Variants in RNF216 observed in about 807,000 individuals in gnomAD.
The protein encoded by RNF216 is E3 ubiquitin-protein ligase RNF216.
In RNF216, 72 loss-of-function variants were observed where a neutral mutation model predicts 110.8. That is an observed-to-expected ratio of 0.65 (90% confidence interval 0.54 to 0.79). RNF216 has a LOEUF of 0.79. Among genes scored for constraint, RNF216 ranks in the 30% least tolerant of loss-of-function variants. The pLI is 0.00. For missense variants in RNF216, 1,342 were observed against 1,141.2 expected (o/e 1.18, Z -2.54); for synonymous variants, 495 against 407.5 (o/e 1.21, Z -2.59).
At chr7:5,730,385 A>G (rs1480156952) in intron 6 of RNF216, among the ~76,000 whole-genome samples, 1 of 152,214 alleles carries the variant, frequency 6.6e-6, no homozygotes, top group Non-Finnish European at 1.5e-5. Flanking sequence ...TCATAATAAA[A>G]TGTTAAGAGT....
intron 13 of RNF216, among the ~76,000 whole-genome samples, chr7:5,663,234 T>C (rs1002868584): frequency 3.3e-5 from 5 of 152,156 alleles, no homozygotes; most frequent in Non-Finnish European, 7.4e-5. Flanking sequence ...GATGACGTCC[T>C]GCTGGTCACT....
intron 14 of RNF216, among the ~76,000 whole-genome samples, chr7:5,644,953 C>G (rs899938261): frequency 1.3e-5 from 2 of 151,672 alleles, no homozygotes; most frequent in Non-Finnish European, 2.9e-5. Flanking sequence ...GCCTCCTGAG[C>G]AGCTGGGACT....
intron 1 of RNF216, among the ~76,000 whole-genome samples, chr7:5,769,020 T>G (rs1377656298): frequency 6.6e-6 from 1 of 152,082 alleles, no homozygotes; most frequent in African/African-American, 2.4e-5. Flanking sequence ...TAGTTAACTA[T>G]TTTGACTAAA....
At chr7:5,674,613 G>T (rs1234257436) in intron 13 of RNF216, among the ~76,000 whole-genome samples, 2 of 151,962 alleles carry the variant, frequency 1.3e-5, no homozygotes, top group East Asian at 3.9e-4. Context: ...GGGCAACAGA[G>T]ACTCTGTTTC....
At chr7:5,660,604 G>A (rs1299066135) in intron 13 of RNF216, among the ~76,000 whole-genome samples, 1 of 151,528 alleles carries the variant, frequency 6.6e-6, no homozygotes, top group Non-Finnish European at 1.5e-5. Flanking sequence ...CTGAGACAGG[G>A]TCTCACTGTG....
chr7:5,678,835 G>C (rs567921961), intron 13 of RNF216, among the ~76,000 whole-genome samples: 465 of 152,312 alleles, frequency 3.1e-3, no homozygotes, highest in African/African-American at 0.01. Flanking sequence ...CATGAGAGCT[G>C]GACTGGATAA....
chr7:5,700,328 C>G (rs1037839641), intron 13 of RNF216, among the ~76,000 whole-genome samples: 1 of 152,144 alleles, frequency 6.6e-6, no homozygotes, highest in South Asian at 2.1e-4. Flanking sequence ...ATGCTGACAC[C>G]TAACAACACA....
chr7:5,634,719 G>A (rs1177649909), intron 15 of RNF216, among the ~76,000 whole-genome samples: 3 of 152,206 alleles, frequency 2.0e-5, no homozygotes, highest in Non-Finnish European at 4.4e-5. Context: ...GCAGAATGTG[G>A]CCATGTTTTG....
intron 5 of RNF216, among the ~76,000 whole-genome samples, chr7:5,733,992 T>A (rs1350636284): frequency 2.0e-5 from 3 of 152,218 alleles, no homozygotes; most frequent in East Asian, 1.9e-4. Context: ...CTTAGTAATT[T>A]AAAAAAATGT....
At position 5,739,596 on chromosome 7, in the gene RNF216, A is replaced by G. The variant is rs544191695; in HGVS notation, c.1045-244T>C. On this transcript the variant is annotated intron_variant, in intron 4 of 16. Transcript: ENST00000389902. ...TCCCCATTTTACAGATCCATTCTTC[A>G]TTGCTTCAACAAATATTGAGCATCT... The G allele has an allele frequency of 1.8e-4, 105 of 586,214 alleles. 1 individual carries two copies. The highest frequency in any genetic ancestry group is 2.8e-4 in the Non-Finnish European group (86 of 310,444). The allele number at this position is 586,214 out of a possible 1,614,324, so 36.3% of individuals were successfully genotyped here. A position where few individuals can be genotyped will look rare whatever the true frequency, so the allele number is the denominator to read the frequency against.
intron 13 of RNF216, among the ~76,000 whole-genome samples, chr7:5,708,145 T>C (rs555721840): frequency 6.6e-6 from 1 of 152,250 alleles, no homozygotes; most frequent in Non-Finnish European, 1.5e-5. Flanking sequence ...TTAAGACCTG[T>C]ATTATGATCT....
At chr7:5,650,647 C>A (rs1028946446) in intron 14 of RNF216, among the ~76,000 whole-genome samples, 1 of 152,186 alleles carries the variant, frequency 6.6e-6, no homozygotes, top group African/African-American at 2.4e-5. Context: ...CTCATGGCCA[C>A]CTTCATCCAT....
intron 2 of RNF216, among the ~76,000 whole-genome samples, chr7:5,756,020 G>T (rs942830475): frequency 1.3e-5 from 2 of 152,208 alleles, no homozygotes; most frequent in Admixed American, 1.3e-4. Context: ...ATCTCATCTT[G>T]AATTGTAATC....
chr7:5,699,781 C>T (rs1046523238), intron 13 of RNF216, among the ~76,000 whole-genome samples: 2 of 152,218 alleles, frequency 1.3e-5, no homozygotes, highest in South Asian at 2.1e-4. Context: ...GATGTACTGG[C>T]CACAGATACA....
At chr7:5,725,652 C>A (rs1793705908) in intron 7 of RNF216, among the ~76,000 whole-genome samples, 1 of 152,094 alleles carries the variant, frequency 6.6e-6, no homozygotes, top group Non-Finnish European at 1.5e-5. Flanking sequence ...GAGTTCGACA[C>A]CAGTCTGGCC....
At chr7:5,710,891 A>C (rs1234214577) in intron 13 of RNF216, among the ~76,000 whole-genome samples, 3 of 152,244 alleles carry the variant, frequency 2.0e-5, no homozygotes, top group African/African-American at 4.8e-5. Flanking sequence ...GATGCCAGCG[A>C]CTGTTGTGAC....
Position 5,761,061 on chromosome 7 carries a change from C to G in RNF216, c.9G>C (p.Glu3Asp). Reference sequence around the variant, plus strand: ...GAATTACCTCTTCATTGTTGTTTCCCTCTTCCATTTTCAAATGCAGACATG... The same window carrying G: ...GAATTACCTCTTCATTGTTGTTTCCGTCTTCCATTTTCAAATGCAGACATG... Reference protein sequence around the residue: MEEGNNNEEVIHL... With the variant: MEDGNNNEEVIHL... Residue 3 changes from glutamate to aspartate, a missense_variant, in exon 2 of 17, where the codon GAG (glutamate) becomes GAC (aspartate). Physicochemically the swap from Glu to Asp is conservative, Grantham distance 45. Coordinates refer to ENST00000389902, the MANE Select transcript of RNF216 (RefSeq NM_207111.4). The G allele has an allele frequency of 1.2e-5, 19 of 1,579,792 alleles. No individual in the cohort carries two copies. The highest frequency in any genetic ancestry group is 1.6e-5 in the Non-Finnish European group (19 of 1,168,526).
chr7:5,744,310 G>C (rs893514902), intron 3 of RNF216, among the ~76,000 whole-genome samples: 1 of 152,176 alleles, frequency 6.6e-6, no homozygotes, highest in African/African-American at 2.4e-5. Flanking sequence ...TGCATTGAAA[G>C]CCAGGTCAGA....
At chr7:5,692,801 A>G (rs969686566) in intron 13 of RNF216, among the ~76,000 whole-genome samples, 1 of 152,198 alleles carries the variant, frequency 6.6e-6, no homozygotes, top group Non-Finnish European at 1.5e-5. Context: ...ACAAAACAAA[A>G]ATTCTTTTGC....
Sources: allele counts gnomAD v4.1 joint callset (sites outside exome capture counted in the v4.1 genomes callset), GRCh38; gene constraint gnomAD v4.1.1; transcripts MANE v1.5; gene names NCBI Gene and HGNC (gene_info 2026-07-23, HGNC 2026-07-21).